DUXB: variants seen among roughly 807,000 people sequenced by gnomAD.
The protein encoded by DUXB is double homeobox protein B.
A neutral mutation model predicts 8.9 loss-of-function variants in DUXB; 22 were observed. The observed-to-expected ratio is 2.46, with a 90% CI of 1.76 to 3.52. DUXB has a LOEUF of 3.52. Ranked by LOEUF, DUXB falls within the 30% of genes most tolerant of loss-of-function variation. The pLI is 0.00. For missense variants in DUXB, 237 were observed against 108.7 expected (o/e 2.18, Z -5.25); for synonymous variants, 84 against 37.6 (o/e 2.23, Z -4.52).
chr16:75,695,513 AT>A (rs759259805), intron 4 of DUXB, among the ~76,000 whole-genome samples: 10 of 152,178 alleles, frequency 6.6e-5, no homozygotes, highest in Non-Finnish European at 1.5e-4. Flanking sequence ...TTGGGGGCCA[AT>A]TTTGTCCCTC....
intron 2 of DUXB, among the ~76,000 whole-genome samples, chr16:75,699,318 C>T (rs1959198483): frequency 6.6e-6 from 1 of 152,226 alleles, no homozygotes; most frequent in African/African-American, 2.4e-5. Flanking sequence ...TGCATTCTTA[C>T]CCCAGTTTCC....
chr16:75,699,885 A>G (rs1221302905), intron 2 of DUXB, 130 bp downstream of exon 2: 6 of 512,948 alleles, frequency 1.2e-5, no homozygotes, highest in Non-Finnish European at 2.1e-5. Flanking sequence ...CTAATTTTGT[A>G]GAACAGGAAA....
In DUXB at chr16:75,701,454, G is replaced by A. The variant is rs75259061; in HGVS notation, c.-36C>T. On this transcript the variant is annotated 5_prime_UTR_variant, in exon 1 of 5. Coordinates refer to ENST00000633875, the MANE Select transcript of DUXB (RefSeq NM_001351307.2). Reference sequence around the variant, plus strand: ...AGACCTGGACTCCACGGAGATCAGCGAGTAACTGAGCAGCTCTCAAAGACA... The same window carrying A: ...AGACCTGGACTCCACGGAGATCAGCAAGTAACTGAGCAGCTCTCAAAGACA... 17,481 of 398,486 alleles carry A rather than the reference G, an allele frequency of 0.044. 512 individuals are homozygous for A. Among genetic ancestry groups the A allele is most frequent in the African/African-American group, 0.078 (3,790 of 48,690 alleles). 24.7% of individuals were successfully genotyped at this position (398,486 alleles called of 1,614,324 possible).
intron 2 of DUXB, among the ~76,000 whole-genome samples, chr16:75,697,308 T>A (rs72789453): frequency 2.3e-3 from 348 of 152,316 alleles, no homozygotes; most frequent in Non-Finnish European, 4.1e-3. Context: ...TCAACACTTC[T>A]TCATAGGAAA....
At position 75,700,146 on chromosome 16, in the gene DUXB, T is replaced by C; in HGVS notation, c.49A>G (p.Arg17Gly). 1.4e-6 allele frequency: 1 copy of C among 702,470 alleles called. No homozygotes were observed. The allele number at this position is 702,470 out of a possible 1,614,324, so 43.5% of individuals were successfully genotyped here. A position where few individuals can be genotyped will look rare whatever the true frequency, so the allele number is the denominator to read the frequency against. ...CTCTGGTTATACTGAATTCTGTTTC[T>C]CCAGAATTCTTTTTGAAGTATGCCT... Reference protein sequence around the residue: ...SGGILQKEFWRNRIQYNQSQK... With the variant: ...SGGILQKEFWGNRIQYNQSQK... Residue 17 changes from arginine to glycine, a missense_variant, in exon 2 of 5, where the codon AGA becomes GGA. Arg to Gly is a moderately radical substitution (Grantham distance 125, BLOSUM62 -2). Transcript: ENST00000633875.
At position 75,694,276 on chromosome 16, in the gene DUXB, C is replaced by T. The variant is rs1423364764; in HGVS notation, c.691G>A (p.Gly231Arg). 1.0e-5 allele frequency: 6 copies of T among 600,572 alleles called. No individual in the cohort carries two copies. The highest frequency in any genetic ancestry group is 1.9e-5 in the African/African-American group (1 of 53,610). The allele number at this position is 600,572 out of a possible 1,614,324, so 37.2% of individuals were successfully genotyped here. Reference protein sequence around the residue: ...WDPFRFHVSQGPNVMIMQPTQ... With the variant: ...WDPFRFHVSQRPNVMIMQPTQ... ...GGCTGCATGATCATGACATTTGGTC[C>T]TTGGCTCACATGGAACCTGAAGGGA... is the stretch of plus-strand genomic sequence containing the variant. The change falls in exon 5 of 5, where the codon GGA becomes AGA. Residue 231 changes from glycine (G) to arginine (R), a missense_variant. Gly to Arg is a moderately radical substitution (Grantham distance 125, BLOSUM62 -2). Transcript: ENST00000633875.
intron 2 of DUXB, among the ~76,000 whole-genome samples, chr16:75,699,565 T>G (rs1959199469): frequency 6.7e-6 from 1 of 148,386 alleles, no homozygotes; most frequent in Admixed American, 6.7e-5. Context: ...TTTCTTTTCT[T>G]TTTTTTTTTT....
chr16:75,697,012 A>T lies in DUXB; in HGVS notation c.181-69T>A, dbSNP rs1262980269. 1.1e-5 allele frequency: 7 copies of T among 666,654 alleles called. No individual in the cohort carries two copies. The African/African-American group carries it at 1.1e-4, about 10-fold the overall frequency. 41.3% of individuals were successfully genotyped at this position (666,654 alleles called of 1,614,324 possible). A position where few individuals can be genotyped will look rare whatever the true frequency, so the allele number is the denominator to read the frequency against. On this transcript the variant is annotated intron_variant, in intron 2 of 4. Coordinates refer to ENST00000633875, the MANE Select transcript of DUXB (RefSeq NM_001351307.2). ...TGTCAATATTGCCAAATATCAATTC[A>T]ATTGAACAAAACTGATTTGACTGCC...
In DUXB at chr16:75,700,103, T is replaced by G; in HGVS notation, c.92A>C (p.Gln31Pro). Residue 31 changes from glutamine to proline, a missense_variant, in exon 2 of 5, where the codon CAA (glutamine) becomes CCA (proline). Coordinates refer to ENST00000633875, the MANE Select transcript of DUXB (RefSeq NM_001351307.2). ...QYNQSQKDIL[Q>P]SWFQHDPFPD... ...GAAAGGGTCATGTTGAAACCATGAT[T>G]GGAGGATATCCTTTTGACTCTGGTT... is the stretch of plus-strand genomic sequence containing the variant. 1.4e-6 allele frequency: 1 copy of G among 702,950 alleles called. No individual in the cohort carries two copies. The allele number at this position is 702,950 out of a possible 1,614,324, so 43.5% of individuals were successfully genotyped here.
In DUXB at chr16:75,701,382, A is replaced by G. The variant is rs1208946829; in HGVS notation, c.25+12T>C. Reference sequence around the variant, plus strand: ...ATCCCAAAGAACAGAGAAAAGGCTGATGGGAACTTACCACCTGAAGTGCCC... The same window carrying G: ...ATCCCAAAGAACAGAGAAAAGGCTGGTGGGAACTTACCACCTGAAGTGCCC... On this transcript the variant is annotated intron_variant, in intron 1 of 4. Coordinates refer to ENST00000633875, the MANE Select transcript of DUXB (RefSeq NM_001351307.2). 1.0e-5 allele frequency: 4 copies of G among 398,564 alleles called. No individual in the cohort carries two copies. The highest frequency in any genetic ancestry group is 1.8e-5 in the Non-Finnish European group (4 of 226,094). The allele number at this position is 398,564 out of a possible 1,614,324, so 24.7% of individuals were successfully genotyped here.
At chr16:75,696,413 G>A (rs775558595) in intron 3 of DUXB, among the ~76,000 whole-genome samples, 7 of 152,142 alleles carry the variant, frequency 4.6e-5, no homozygotes, top group South Asian at 2.1e-4. Context: ...TTAGCTGGGC[G>A]TGGTTGTGCA....
rs1211334819 is a variant in DUXB at position 75,695,970 on chromosome 16, T to G, written c.432A>C (p.Ser144=). The G allele has an allele frequency of 1.4e-6, 1 of 702,890 alleles. No individual in the cohort carries two copies. Among genetic ancestry groups the G allele is most frequent in the African/African-American group, 1.7e-5 (1 of 57,244 alleles). The allele number at this position is 702,890 out of a possible 1,614,324, so 43.5% of individuals were successfully genotyped here. Residue 144 remains serine (S), a synonymous_variant, in exon 4 of 5, where the codon TCA becomes TCC. Coordinates refer to ENST00000633875, the MANE Select transcript of DUXB (RefSeq NM_001351307.2). ...KLAEQTGLQE[S]RIQMWFQKQR... ...CACACATAGAACTTACTTGAATTCT[T>G]GATTCCTGCAGGCCTGTTTGTTCAG... is the stretch of plus-strand genomic sequence containing the variant.
chr16:75,698,400 C>T (rs892621598), intron 2 of DUXB: 1 of 152,230 alleles, frequency 6.6e-6, no homozygotes. Flanking sequence ...GGAGACTATA[C>T]ATATGATGCA....
In DUXB at chr16:75,700,102, T is replaced by G. The variant is rs1398214040; in HGVS notation, c.93A>C (p.Gln31His). The G allele has an allele frequency of 1.4e-6, 1 of 702,906 alleles. No individual in the cohort carries two copies. Among genetic ancestry groups the G allele is most frequent in the Non-Finnish European group, 2.6e-6 (1 of 384,966 alleles). The allele number at this position is 702,906 out of a possible 1,614,324, so 43.5% of individuals were successfully genotyped here. ...GGAAAGGGTCATGTTGAAACCATGA[T>G]TGGAGGATATCCTTTTGACTCTGGT... ...QYNQSQKDIL[Q>H]SWFQHDPFPD... The change falls in exon 2 of 5, where the codon CAA becomes CAC. Residue 31 changes from glutamine (Q) to histidine (H), a missense_variant. By Grantham distance (24) the Gln-to-His change is conservative (BLOSUM62 0). Coordinates refer to ENST00000633875, the MANE Select transcript of DUXB (RefSeq NM_001351307.2).
At chr16:75,700,281 T>C in intron 1 of DUXB, 112 bp from the exon 2 acceptor site, 5 of 569,262 alleles carry the variant, frequency 8.8e-6, no homozygotes, top group South Asian at 2.3e-5. Context: ...GTCGCCCAGA[T>C]TGGAGTGCAG....
rs560102521 is a variant in DUXB, at chr16:75,696,664, T to C, written c.286+174A>G. On this transcript the variant is annotated intron_variant, in intron 3 of 4. Coordinates refer to ENST00000633875, the MANE Select transcript of DUXB (RefSeq NM_001351307.2). Reference sequence around the variant, plus strand: ...TCTGCCTATGGAGTAGCCATTCTTTTGTTTATTTACTTCTATAACAAACTT... The same window carrying C: ...TCTGCCTATGGAGTAGCCATTCTTTCGTTTATTTACTTCTATAACAAACTT... Among the ~76,000 whole-genome samples the C allele has an allele frequency of 2.5e-4, 38 of 152,356 alleles. 1 individual carries two copies. In the East Asian group the frequency reaches 7.3e-3, roughly 29 times the overall value.
chr16:75,699,563 C>CTT (rs1317094267), intron 2 of DUXB, among the ~76,000 whole-genome samples: 4 of 143,016 alleles, frequency 2.8e-5, no homozygotes, highest in Non-Finnish European at 6.2e-5. Flanking sequence ...CTTTTCTTTT[C>CTT]TTTTTTTTTT....
intron 4 of DUXB, among the ~76,000 whole-genome samples, chr16:75,695,713 T>C (rs766173224): frequency 6.6e-6 from 1 of 152,128 alleles, no homozygotes; most frequent in African/African-American, 2.4e-5. Context: ...ACTCCCAAGG[T>C]TGTAGAAAAT....
At chr16:75,696,431 A>G (rs546201722) in intron 3 of DUXB, among the ~76,000 whole-genome samples, 2 of 152,214 alleles carry the variant, frequency 1.3e-5, no homozygotes, top group African/African-American at 4.8e-5. Flanking sequence ...GCACCTCTGT[A>G]GTTCCAGCTA....
Sources: gnomAD v4.1 joint callset for allele counts (sites outside exome capture counted in the v4.1 genomes callset) on GRCh38, gnomAD v4.1.1 for gene constraint, MANE v1.5 for transcripts, NCBI Gene and HGNC (gene_info 2026-07-23, HGNC 2026-07-21) for gene names.